Variants in UNC79 observed in about 807,000 individuals in gnomAD.
UNC79 encodes the protein unc-79 subunit of NALCN channel complex.
A neutral mutation model predicts 283.1 loss-of-function variants in UNC79; 37 were observed. The ratio of observed to expected loss-of-function variants is 0.13; its 90% CI spans 0.10 to 0.17. The LOEUF is 0.17. Among genes scored for constraint, UNC79 ranks in the 10% least tolerant of loss-of-function variants. The pLI is 1.00. For missense variants in UNC79, 2,272 were observed against 3,211.1 expected, an observed-to-expected ratio of 0.71 and a Z score of 7.07; for synonymous variants, 1,107 against 1,200.2, an observed-to-expected ratio of 0.92 and a Z score of 1.61.
chr14:93,556,757 T>C (rs1014939768), intron 14 of UNC79, among the ~76,000 whole-genome samples: 2 of 152,296 alleles, frequency 1.3e-5, no homozygotes, highest in Admixed American at 6.5e-5. Context: ...TAATGGCCTT[T>C]TAAATGTATG....
chr14:93,378,027 A>G (rs1246543535), intron 1 of UNC79, among the ~76,000 whole-genome samples: 1 of 152,240 alleles, frequency 6.6e-6, no homozygotes, highest in Non-Finnish European at 1.5e-5. Context: ...CACTTGTTTT[A>G]GAAATCACTA....
intron 1 of UNC79, chr14:93,464,619 T>C: frequency 2.2e-6 from 1 of 456,056 alleles, no homozygotes; most frequent in Non-Finnish European, 4.4e-6. Context: ...AGGAAAGGGG[T>C]GGCCCCGGGG....
intron 4 of UNC79, among the ~76,000 whole-genome samples, chr14:93,486,394 C>T (rs1444154369): frequency 2.6e-5 from 4 of 151,430 alleles, no homozygotes; most frequent in Admixed American, 6.6e-5. Flanking sequence ...CAGTGGCTCA[C>T]GCTTGTAATC....
At position 93,562,354 on chromosome 14, in the gene UNC79, A is replaced by G. The variant is rs367762617; in HGVS notation, c.1756-9540A>G. On this transcript the variant is annotated intron_variant, in intron 14 of 48. Transcript: ENST00000555664. The stretch of plus-strand genomic sequence containing the variant: ...TAGCAGCCTGGCAAATTTCCTGTCT[A>G]TCCTGCCGGAGGACTGGAAGATAGT... Among the ~76,000 whole-genome samples the G allele has an allele frequency of 7.9e-5, 12 of 152,276 alleles. No homozygotes were observed. In the East Asian group the frequency reaches 2.3e-3, roughly 29 times the overall value.
At chr14:93,442,639 G>A (rs553227407) in intron 1 of UNC79, among the ~76,000 whole-genome samples, 1 of 152,094 alleles carries the variant, frequency 6.6e-6, no homozygotes, top group South Asian at 2.1e-4. Flanking sequence ...ATGTAGACAC[G>A]CCCAAATACA....
Position 93,467,659 on chromosome 14 carries a change from G to GTTTTTTT in UNC79, c.23-12_23-11insTTTTTTT. 1 of 227,818 alleles carries GTTTTTTT rather than the reference G, an allele frequency of 4.4e-6. No homozygotes were observed. Among genetic ancestry groups the GTTTTTTT allele is most frequent in the Non-Finnish European group, 5.5e-6 (1 of 181,098 alleles). 14.1% of individuals were successfully genotyped at this position (227,818 alleles called of 1,614,324 possible). A position where few individuals can be genotyped will look rare whatever the true frequency, so the allele number is the denominator to read the frequency against. On this transcript the variant is annotated splice_polypyrimidine_tract_variant and intron_variant, in intron 1 of 48. Transcript: ENST00000555664. Reference sequence around the variant, plus strand: ...TTTTTTTTTTTTTTTTTTTTTTTTTGCTTTTATCTAGTTGCTTCCAAGATC... The same window carrying GTTTTTTT: ...TTTTTTTTTTTTTTTTTTTTTTTTTGTTTTTTTCTTTTATCTAGTTGCTTCCAAGATC...
chr14:93,470,034 A>T (rs1273794558), intron 2 of UNC79, among the ~76,000 whole-genome samples: 2 of 151,770 alleles, frequency 1.3e-5, no homozygotes, highest in African/African-American at 4.8e-5. Context: ...ATTTAATATG[A>T]TCTTTATGTT....
intron 8 of UNC79, among the ~76,000 whole-genome samples, chr14:93,526,230 A>G (rs1186615272): frequency 2.6e-5 from 4 of 152,098 alleles, no homozygotes; most frequent in Non-Finnish European, 5.9e-5. Context: ...TGCTGGGGCC[A>G]TTTTTGCACT....
intron 1 of UNC79, among the ~76,000 whole-genome samples, chr14:93,408,550 G>C (rs555865650): frequency 2.0e-5 from 3 of 152,186 alleles, no homozygotes; most frequent in African/African-American, 7.2e-5. Flanking sequence ...AAACCAGCTG[G>C]GCATGGTGGT....
At chr14:93,493,696 G>A (rs2058847696) in intron 5 of UNC79, among the ~76,000 whole-genome samples, 2 of 151,494 alleles carry the variant, frequency 1.3e-5, no homozygotes, top group South Asian at 2.1e-4. Flanking sequence ...ACCTGAGACT[G>A]GGTAATTTAT....
chr14:93,505,040 T>C (rs1353143400), intron 7 of UNC79, among the ~76,000 whole-genome samples: 1 of 152,080 alleles, frequency 6.6e-6, no homozygotes, highest in Non-Finnish European at 1.5e-5. Context: ...TTTAACACTT[T>C]CTTTAGGGTT....
chr14:93,333,499 T>G (rs1398930832), exon 1 of UNC79: 3 of 398,544 alleles, frequency 7.5e-6, no homozygotes, highest in Non-Finnish European at 1.3e-5. Flanking sequence ...GGTGGCTGCT[T>G]CTTGGCAGTG....
intron 1 of UNC79, among the ~76,000 whole-genome samples, chr14:93,388,037 A>G (rs1161364290): frequency 2.0e-5 from 3 of 151,994 alleles, no homozygotes; most frequent in African/African-American, 7.2e-5. Flanking sequence ...TTGTTTAAGT[A>G]TAGCTACCTC....
intron 1 of UNC79, chr14:93,347,525 T>TG: frequency 9.0e-7 from 1 of 1,109,338 alleles, no homozygotes; most frequent in East Asian, 3.3e-5. Context: ...TGGTCGCCGT[T>TG]GGGGGAGGTT....
chr14:93,542,800 C>A, intron 14 of UNC79, 104 bp downstream of exon 14: 1 of 1,059,328 alleles, frequency 9.4e-7, no homozygotes, highest in Non-Finnish European at 1.4e-6. Flanking sequence ...GGAGGAACAT[C>A]TCTCCTTATT....
exon 30 of UNC79, chr14:93,622,797 TCTC>T (rs757572704): frequency 1.9e-6 from 3 of 1,614,130 alleles, no homozygotes; most frequent in Non-Finnish European, 2.5e-6. Flanking sequence ...TACCTCGACA[TCTC>T]CTTCAACATT....
intron 3 of UNC79, 87 bp from the exon 4 acceptor site, chr14:93,477,471 C>A: frequency 1.8e-6 from 2 of 1,134,390 alleles, no homozygotes; most frequent in Admixed American, 5.5e-5. Flanking sequence ...TAACTTAAAC[C>A]AGTTCATTAA....
intron 1 of UNC79, among the ~76,000 whole-genome samples, chr14:93,416,815 T>C (rs1271830474): frequency 6.6e-6 from 1 of 152,174 alleles, no homozygotes; most frequent in Admixed American, 6.5e-5. Context: ...TGGTTTAAAG[T>C]CTGTTTTATC....
intron 1 of UNC79, among the ~76,000 whole-genome samples, chr14:93,395,916 T>C (rs1429497332): frequency 6.6e-6 from 1 of 152,166 alleles, no homozygotes; most frequent in Non-Finnish European, 1.5e-5. Context: ...GATGTGAAGA[T>C]TAATGTTTTG....
Sources: gnomAD v4.1 joint callset for allele counts (sites outside exome capture counted in the v4.1 genomes callset) on GRCh38, gnomAD v4.1.1 for gene constraint, MANE v1.5 for transcripts, NCBI Gene and HGNC (gene_info 2026-07-23, HGNC 2026-07-21) for gene names.